PTPRN2: variants seen among roughly 807,000 people sequenced by gnomAD.
The protein encoded by PTPRN2 is receptor-type tyrosine-protein phosphatase N2.
In PTPRN2, 74 loss-of-function variants were observed where a neutral mutation model predicts 118.8. The observed-to-expected ratio is 0.62, with a 90% CI of 0.52 to 0.76. The LOEUF (loss-of-function observed/expected upper bound fraction) is 0.76. Among genes scored for constraint, PTPRN2 ranks in the 30% least tolerant of loss-of-function variants. The pLI is 0.00. For synonymous variants in PTPRN2, 641 were observed against 608.0 expected (o/e 1.05, Z -0.80); for missense variants, 1,481 against 1,394.4 (o/e 1.06, Z -0.99).
chr7:157,889,680 C>T (rs1411068573), intron 12 of PTPRN2, among the ~76,000 whole-genome samples: 1 of 152,268 alleles, frequency 6.6e-6, no homozygotes, highest in Non-Finnish European at 1.5e-5. Context: ...CTCCCATAAC[C>T]TGCTGAATAT....
intron 11 of PTPRN2, among the ~76,000 whole-genome samples, chr7:158,047,643 G>C (rs1808985011): frequency 6.6e-6 from 1 of 152,248 alleles, no homozygotes; most frequent in South Asian, 2.1e-4. Context: ...TGCAGTCACT[G>C]CGCTTGGGAG....
intron 11 of PTPRN2, among the ~76,000 whole-genome samples, chr7:158,062,969 G>A (rs1012079643): frequency 1.3e-5 from 2 of 152,230 alleles, no homozygotes; most frequent in Non-Finnish European, 2.9e-5. Flanking sequence ...CACGGTGCAC[G>A]ACTGGCAGGC....
chr7:157,558,954 A>C (rs1799039918), intron 21 of PTPRN2, among the ~76,000 whole-genome samples: 1 of 152,250 alleles, frequency 6.6e-6, no homozygotes, highest in Non-Finnish European at 1.5e-5. Flanking sequence ...GACACTTTGC[A>C]TCATTTGACC....
Position 157,560,070 on chromosome 7 carries a change from C to A in PTPRN2, c.2902+8832G>T, listed in dbSNP as rs888624890. ...AGCCCTCGGCCAGGTGGGACCTGAA[C>A]GACATTTTGCGGCATCCAATGGGCC... On this transcript the variant is annotated intron_variant, in intron 21 of 22. Coordinates refer to ENST00000389418, the MANE Select transcript of PTPRN2 (RefSeq NM_002847.5). The surrounding 1 kb of genome is among the most constrained non-coding windows in gnomAD (Gnocchi z 6.7). Among the ~76,000 whole-genome samples the A allele has an allele frequency of 7.2e-5, 11 of 152,286 alleles. No individual in the cohort carries two copies. The highest frequency in any genetic ancestry group is 2.6e-4 in the African/African-American group (11 of 41,558).
intron 16 of PTPRN2, among the ~76,000 whole-genome samples, chr7:157,601,160 G>A (rs768713694): frequency 2.0e-5 from 3 of 152,140 alleles, no homozygotes; most frequent in East Asian, 1.9e-4. Context: ...GACAACCTAC[G>A]AGGGAAAACA....
intron 3 of PTPRN2, among the ~76,000 whole-genome samples, chr7:158,248,009 AT>A (rs1796372407): frequency 6.6e-6 from 1 of 152,124 alleles, no homozygotes; most frequent in South Asian, 2.1e-4. Context: ...TATTAGGGAG[AT>A]CCCAAAGGCT....
intron 20 of PTPRN2, among the ~76,000 whole-genome samples, chr7:157,570,660 C>T (rs1039698748): frequency 6.6e-6 from 1 of 152,178 alleles, no homozygotes; most frequent in African/African-American, 2.4e-5. Context: ...ATATGAGTCA[C>T]TGAATTTTTA....
chr7:158,360,854 T>A (rs372996734), intron 2 of PTPRN2, among the ~76,000 whole-genome samples: 2 of 2,136 alleles, frequency 9.4e-4, no homozygotes, highest in Non-Finnish European at 1.9e-3. Context: ...ACATCCACCC[T>A]CACCCAGGAC....
At chr7:157,662,222 A>G (rs755700737) in intron 13 of PTPRN2, among the ~76,000 whole-genome samples, 8 of 152,240 alleles carry the variant, frequency 5.3e-5, no homozygotes, top group Non-Finnish European at 1.0e-4. Context: ...GGAGGATTAA[A>G]TAAGATAACA....
rs1801002269 is a variant in PTPRN2 at position 157,591,878 on chromosome 7, G to A, written c.2496+3360C>T. The stretch of plus-strand genomic sequence containing the variant: ...TGAAGGATGACGTGGAAGCAATGAC[G>A]TCGTGGTCAGGGACGTCTGCAGGGA... On this transcript the variant is annotated intron_variant, in intron 17 of 22. Transcript: ENST00000389418. The surrounding 1 kb of genome is among the most constrained non-coding windows in gnomAD (Gnocchi z 4.4). 6.6e-6 allele frequency among the ~76,000 whole-genome samples: 1 copy of A among 152,188 alleles called. No individual in the cohort carries two copies. Among genetic ancestry groups the A allele is most frequent in the Non-Finnish European group, 1.5e-5 (1 of 68,040 alleles).
chr7:157,790,896 C>T (rs1472587230), intron 12 of PTPRN2, among the ~76,000 whole-genome samples: 4 of 152,040 alleles, frequency 2.6e-5, no homozygotes, highest in African/African-American at 7.2e-5. Context: ...AAAGACATTC[C>T]GTTCTGTAAT....
intron 2 of PTPRN2, among the ~76,000 whole-genome samples, chr7:158,405,445 A>C (rs73729800): frequency 9.5e-4 from 145 of 152,342 alleles, no homozygotes; most frequent in African/African-American, 3.4e-3. Context: ...CCCCTGGAGG[A>C]AATGTTTTTT....
At chr7:158,585,037 G>A (rs1219422011) in intron 1 of PTPRN2, among the ~76,000 whole-genome samples, 1 of 152,188 alleles carries the variant, frequency 6.6e-6, no homozygotes, top group Non-Finnish European at 1.5e-5. Context: ...ATTACAAATG[G>A]CACAGCTGGG....
chr7:157,942,141 AGGGGTCCTCGGCCC>A, intron 11 of PTPRN2, among the ~76,000 whole-genome samples: 1 of 85,904 alleles, frequency 1.2e-5, no homozygotes, highest in Non-Finnish European at 2.2e-5. Flanking sequence ...CCACACGCAC[AGGGGTCCTCGGCCC>A]ACCCTCCACA....
intron 12 of PTPRN2, among the ~76,000 whole-genome samples, chr7:157,698,616 G>C (rs1399445405): frequency 6.6e-6 from 1 of 152,160 alleles, no homozygotes; most frequent in Admixed American, 6.5e-5. Flanking sequence ...TATTAGTTTT[G>C]TCCATTAAAA....
intron 1 of PTPRN2, among the ~76,000 whole-genome samples, chr7:158,575,192 A>G (rs1470828866): frequency 6.6e-6 from 1 of 152,228 alleles, no homozygotes; most frequent in East Asian, 1.9e-4. Context: ...CAAACATGTT[A>G]TCTTATGTGA....
chr7:158,546,085 T>G lies in PTPRN2; in HGVS notation c.112+41473A>C, dbSNP rs1826259643. On this transcript the variant is annotated intron_variant, in intron 1 of 22. Coordinates refer to ENST00000389418, the MANE Select transcript of PTPRN2 (RefSeq NM_002847.5). The surrounding 1 kb of genome is among the most constrained non-coding windows in gnomAD (Gnocchi z 5.0). ...AGCAAGGGCTGGAGACCAAAAAAACTGGGCCAACGGCCCACAAACACGTGA... is the reference window on the plus strand; with the variant it reads ...AGCAAGGGCTGGAGACCAAAAAAACGGGGCCAACGGCCCACAAACACGTGA... 6.6e-6 allele frequency among the ~76,000 whole-genome samples: 1 copy of G among 152,166 alleles called. No individual in the cohort carries two copies. Among genetic ancestry groups the G allele is most frequent in the Non-Finnish European group, 1.5e-5 (1 of 68,028 alleles).
chr7:157,666,079 C>T (rs1043472172), intron 13 of PTPRN2, among the ~76,000 whole-genome samples: 6 of 151,138 alleles, frequency 4.0e-5, no homozygotes, highest in Admixed American at 3.3e-4. Context: ...CACATGTATA[C>T]ATATGTAACA....
chr7:158,529,488 G>C lies in PTPRN2; in HGVS notation c.113-39703C>G, dbSNP rs990822878. Among the ~76,000 whole-genome samples the C allele has an allele frequency of 6.6e-6, 1 of 152,214 alleles. No homozygotes were observed. The highest frequency in any genetic ancestry group is 1.5e-5 in the Non-Finnish European group (1 of 68,038). ...CCAGCAACGACGAGCCATGGTGACA[G>C]CTCACACACAGCTGCAAACTCACAT... On this transcript the variant is annotated intron_variant, in intron 1 of 22. Coordinates refer to ENST00000389418, the MANE Select transcript of PTPRN2 (RefSeq NM_002847.5). This position sits in a 1 kb window ranked among gnomAD's most constrained non-coding sequence, Gnocchi z 4.7.
Sources: gnomAD v4.1 joint callset for allele counts (sites outside exome capture counted in the v4.1 genomes callset) on GRCh38, gnomAD v4.1.1 for gene constraint, Gnocchi (gnomAD v3.1) non-coding constraint, MANE v1.5 for transcripts, NCBI Gene and HGNC (gene_info 2026-07-23, HGNC 2026-07-21) for gene names.